The following SLC26A5 variants were observed in gnomAD, a reference collection of about 807,000 sequenced individuals.
SLC26A5 encodes the protein solute carrier family 26 member 5.
A neutral mutation model predicts 81.0 loss-of-function variants in SLC26A5; 51 were observed. The observed-to-expected ratio is 0.63, with a 90% CI of 0.50 to 0.80. SLC26A5 has a LOEUF of 0.80. SLC26A5 is among the 30% of genes least tolerant of loss of function. The pLI is 0.00. For missense variants in SLC26A5, 771 were observed against 905.8 expected (o/e 0.85, Z 1.91); for synonymous variants, 325 against 332.8 (o/e 0.98, Z 0.25).
chr7:103,391,613 T>G lies in SLC26A5; in HGVS notation c.1233+9A>C. The G allele has an allele frequency of 1.9e-6, 3 of 1,609,394 alleles. No individual in the cohort carries two copies. Among genetic ancestry groups the G allele is most frequent in the Non-Finnish European group, 1.7e-6 (2 of 1,175,756 alleles). On this transcript the variant is annotated intron_variant, in intron 11 of 19. Coordinates refer to ENST00000306312, the MANE Select transcript of SLC26A5 (RefSeq NM_198999.3). ...ATCATCAGGTCTTAGAGGCCTGTTA[T>G]GTACATACCTGTGTCTTCCCACCGG...
chr7:103,392,967 C>T lies in SLC26A5; in HGVS notation c.1071G>A (p.Met357Ile). The stretch of plus-strand genomic sequence containing the variant: ...CATGTTTATTTGCTAAGGTCTTGGC[C>T]ATGGAGATGGTCACTGAAAATCCAA... Reference protein sequence around the residue: ...AIVGFSVTISMAKTLANKHGY... With the variant: ...AIVGFSVTISIAKTLANKHGY... The change falls in exon 10 of 20, where the codon ATG becomes ATA. Residue 357 changes from methionine to isoleucine, a missense_variant. Coordinates refer to ENST00000306312, the MANE Select transcript of SLC26A5 (RefSeq NM_198999.3). 6.2e-7 allele frequency: 1 copy of T among 1,613,984 alleles called. No homozygotes were observed. Among genetic ancestry groups the T allele is most frequent in the Non-Finnish European group, 8.5e-7 (1 of 1,179,892 alleles).
chr7:103,395,819 A>G (rs1823067460), intron 9 of SLC26A5, among the ~76,000 whole-genome samples: 1 of 152,068 alleles, frequency 6.6e-6, no homozygotes, highest in Non-Finnish European at 1.5e-5. Flanking sequence ...GTGCCCGGCC[A>G]ATAATATGTT....
At chr7:103,400,076 G>C (rs1469481086) in intron 8 of SLC26A5, among the ~76,000 whole-genome samples, 1 of 151,746 alleles carries the variant, frequency 6.6e-6, no homozygotes, top group Non-Finnish European at 1.5e-5. Flanking sequence ...AATCCTTTGG[G>C]TATATACCCA....
At chr7:103,399,065 T>C (rs1055834420) in intron 8 of SLC26A5, among the ~76,000 whole-genome samples, 1 of 152,172 alleles carries the variant, frequency 6.6e-6, no homozygotes, top group Non-Finnish European at 1.5e-5. Flanking sequence ...GACAAACAGA[T>C]GTATTATAAA....
chr7:103,366,902 T>A (rs1206203383), intron 19 of SLC26A5, among the ~76,000 whole-genome samples: 2 of 152,158 alleles, frequency 1.3e-5, no homozygotes, highest in East Asian at 3.9e-4. Context: ...CCTCCTGGGT[T>A]CAAGCAATTC....
intron 19 of SLC26A5, among the ~76,000 whole-genome samples, chr7:103,361,510 CAAAAAAAAAAAAA>C (rs759044767): frequency 5.9e-5 from 3 of 51,076 alleles, no homozygotes; most frequent in Non-Finnish European, 1.2e-4. Flanking sequence ...AACTCCATCT[CAAAAAAAAAAAAA>C]AAAAAAAAAA....
chr7:103,389,274 A>G, intron 13 of SLC26A5, 55 bp downstream of exon 13: 1 of 1,365,642 alleles, frequency 7.3e-7, no homozygotes, highest in Non-Finnish European at 1.0e-6. Context: ...TTTTCTTAGC[A>G]CTAATCATAT....
At chr7:103,356,793 A>G (rs1820058172) in intron 19 of SLC26A5, among the ~76,000 whole-genome samples, 1 of 152,136 alleles carries the variant, frequency 6.6e-6, no homozygotes, top group South Asian at 2.1e-4. Flanking sequence ...ATATACCAAT[A>G]TTTCCATTAT....
chr7:103,390,454 C>T lies in SLC26A5; in HGVS notation c.1286G>A (p.Gly429Glu). 1 of 1,614,140 alleles carries T rather than the reference C, an allele frequency of 6.2e-7. No homozygotes were observed. Among genetic ancestry groups the T allele is most frequent in the Non-Finnish European group, 8.5e-7 (1 of 1,180,016 alleles). Residue 429 changes from glycine to glutamate, a missense_variant, in exon 12 of 20, where the codon GGA (glycine) becomes GAA (glutamate). Transcript: ENST00000306312. The part of the protein sequence containing the change: ...LMILLVILAT[G>E]FLFESLPQAV... ...CTGGGGCAATGATTCAAAGAGGAAT[C>T]CAGTTGCTAATATGACCAGCAGAAT...
intron 19 of SLC26A5, among the ~76,000 whole-genome samples, chr7:103,364,981 A>ATATATATATATATATG (rs950613120): frequency 7.1e-6 from 1 of 140,802 alleles, no homozygotes; most frequent in Non-Finnish European, 1.5e-5. Flanking sequence ...ATATATATAT[A>ATATATATATATATATG]TATTTAGAGA....
At chr7:103,370,091 A>G (rs1820944190), downstream of SLC26A5, among the ~76,000 whole-genome samples, 1 of 152,186 alleles carries the variant, frequency 6.6e-6, no homozygotes, top group Non-Finnish European at 1.5e-5. Flanking sequence ...CATTTTGGTT[A>G]GCTGTATGTT....
At chr7:103,356,567 T>A (rs1326505744) in intron 19 of SLC26A5, among the ~76,000 whole-genome samples, 1 of 152,242 alleles carries the variant, frequency 6.6e-6, no homozygotes, top group Non-Finnish European at 1.5e-5. Context: ...CTGTGTTGAT[T>A]ACTAGTATGA....
chr7:103,381,882 A>T (rs1821826214), intron 14 of SLC26A5, among the ~76,000 whole-genome samples: 1 of 151,410 alleles, frequency 6.6e-6, no homozygotes, highest in Non-Finnish European at 1.5e-5. Context: ...TAATACACAT[A>T]CATACACATC....
intron 14 of SLC26A5, among the ~76,000 whole-genome samples, chr7:103,381,885 T>C (rs1016154539): frequency 2.0e-5 from 3 of 149,658 alleles, no homozygotes; most frequent in African/African-American, 4.9e-5. Context: ...TACACATACA[T>C]ACACATCACA....
chr7:103,392,950 T>C lies in SLC26A5; in HGVS notation c.1088A>G (p.Asn363Ser), dbSNP rs2116493395. Residue 363 changes from asparagine (N) to serine (S), a missense_variant, in exon 10 of 20, where the codon AAT (asparagine) becomes AGT (serine). Transcript: ENST00000306312. Reference sequence around the variant, plus strand: ...GCCGTCAACCTGGTAGCCATGTTTATTTGCTAAGGTCTTGGCCATGGAGAT... The same window carrying C: ...GCCGTCAACCTGGTAGCCATGTTTACTTGCTAAGGTCTTGGCCATGGAGAT... ...VTISMAKTLA[N>S]KHGYQVDGNQ... 6.2e-7 allele frequency: 1 copy of C among 1,614,022 alleles called. No individual in the cohort carries two copies. The highest frequency in any genetic ancestry group is 8.5e-7 in the Non-Finnish European group (1 of 1,179,914).
At chr7:103,427,176 C>T (rs1315281447) in intron 2 of SLC26A5, among the ~76,000 whole-genome samples, 2 of 151,546 alleles carry the variant, frequency 1.3e-5, no homozygotes, top group Non-Finnish European at 2.9e-5. Flanking sequence ...TGGGTTCAAG[C>T]GATTTTCCTG....
In SLC26A5 at chr7:103,353,965, C is replaced by T. The variant is rs554714299; in HGVS notation, c.2042-1039G>A. On this transcript the variant is annotated intron_variant, in intron 19 of 19. Transcript: ENST00000339444. ...TGCCTTGTTGAAAACTTATGTAAGTCCTTTCAGTGTCTACAAACTATAGAT... is the reference window on the plus strand; with the variant it reads ...TGCCTTGTTGAAAACTTATGTAAGTTCTTTCAGTGTCTACAAACTATAGAT... 7 of 1,582,062 alleles carry T rather than the reference C, an allele frequency of 4.4e-6. No homozygotes were observed. In the South Asian group the frequency reaches 6.8e-5, roughly 15 times the overall value.
downstream of SLC26A5, among the ~76,000 whole-genome samples, chr7:103,371,783 C>G (rs539972378): frequency 1.3e-5 from 2 of 151,028 alleles, no homozygotes; most frequent in South Asian, 4.2e-4. Context: ...GCAACCTCCG[C>G]CTCCTGGGTT....
At chr7:103,429,610 C>A (rs1825924408) in intron 2 of SLC26A5, among the ~76,000 whole-genome samples, 1 of 152,192 alleles carries the variant, frequency 6.6e-6, no homozygotes. Context: ...TTAGCAATAA[C>A]CAGAATATAT....
Sources: gnomAD v4.1 joint callset for allele counts (sites outside exome capture counted in the v4.1 genomes callset) on GRCh38, gnomAD v4.1.1 for gene constraint, MANE v1.5 for transcripts, NCBI Gene and HGNC (gene_info 2026-07-23, HGNC 2026-07-21) for gene names.